Variants in GALR2 observed in about 807,000 individuals in gnomAD.
The protein encoded by GALR2 is galanin receptor 2.
A neutral mutation model predicts 7.2 loss-of-function variants in GALR2; 5 were observed. The observed-to-expected ratio is 0.69, with a 90% CI of 0.36 to 1.45. The LOEUF (loss-of-function observed/expected upper bound fraction) is 1.45, where lower values mean the gene tolerates loss of function less well. GALR2 is among the 40% of genes most tolerant of loss of function. The pLI is 0.03. For synonymous variants in GALR2, 300 were observed against 263.9 expected, an observed-to-expected ratio of 1.14 and a Z score of -1.32; for missense variants, 561 against 555.7, an observed-to-expected ratio of 1.01 and a Z score of -0.10.
chr17:76,072,446 TGCCGCCGCC>T (rs536477130), upstream of GALR2: 29 of 1,579,286 alleles, frequency 1.8e-5, no homozygotes, highest in South Asian at 1.1e-4. The surrounding 1 kb of genome is among the most constrained non-coding windows in gnomAD (Gnocchi z 4.5). Context: ...CCGCCGCCAC[TGCCGCCGCC>T]GCCGCCGCCG....
chr17:76,077,457 G>T lies in GALR2; in HGVS notation c.*26G>T. The T allele has an allele frequency of 6.9e-7, 1 of 1,440,388 alleles. No individual in the cohort carries two copies. The allele number at this position is 1,440,388 out of a possible 1,614,324, so 89.2% of individuals were successfully genotyped here. A position where few individuals can be genotyped will look rare whatever the true frequency, so the allele number is the denominator to read the frequency against. ...AAGCACTTAGCGGGCGCGCTGGGAT[G>T]TCACAGAGTTGGAGTCATTGTTGGG... On this transcript the variant is annotated 3_prime_UTR_variant, in exon 2 of 2. Coordinates refer to ENST00000329003, the MANE Select transcript of GALR2 (RefSeq NM_003857.4).
upstream of GALR2, among the ~76,000 whole-genome samples, chr17:76,074,385 G>T (rs894572863): frequency 6.6e-6 from 1 of 152,230 alleles, no homozygotes; most frequent in Admixed American, 6.5e-5. The surrounding 1 kb of genome is among the most constrained non-coding windows in gnomAD (Gnocchi z 6.7). Context: ...GGGCACCCCA[G>T]CCCCTCGACG....
upstream of GALR2, chr17:76,072,617 C>G: frequency 1.4e-6 from 2 of 1,454,002 alleles, no homozygotes; most frequent in Non-Finnish European, 1.8e-6. This position sits in a 1 kb window ranked among gnomAD's most constrained non-coding sequence, Gnocchi z 4.5. Flanking sequence ...GCCCTTGCTG[C>G]AGCAGGGCGC....
rs2066885567 is a variant in GALR2 at position 76,075,743 on chromosome 17, G to A, written c.368+492G>A. Among the ~76,000 whole-genome samples, 1 of 152,320 alleles carries A rather than the reference G, an allele frequency of 6.6e-6. No homozygotes were observed. Among genetic ancestry groups the A allele is most frequent in the African/African-American group, 2.4e-5 (1 of 41,582 alleles). The stretch of plus-strand genomic sequence containing the variant: ...CACGGTTTGGTTGGTTGGTGCAGCT[G>A]GCTCAGGTCCAGGCTGTGGATCTTG... On this transcript the variant is annotated intron_variant, in intron 1 of 1. Transcript: ENST00000329003. The surrounding 1 kb of genome is among the most constrained non-coding windows in gnomAD (Gnocchi z 5.9).
upstream of GALR2, among the ~76,000 whole-genome samples, chr17:76,074,018 C>T (rs1348131599): frequency 4.6e-5 from 7 of 152,106 alleles, no homozygotes; most frequent in Admixed American, 2.6e-4. This position sits in a 1 kb window ranked among gnomAD's most constrained non-coding sequence, Gnocchi z 6.7. Context: ...TGGTGGCAGG[C>T]GCCCGTCATC....
Position 76,076,871 on chromosome 17 carries a change from G to T in GALR2, c.604G>T (p.Val202Phe). ...CTTCAGCTACCTGCTTCCTGTGCTG[G>T]TTCTCGGCCTGACCTACGCGCGCAC... ...FVFSYLLPVL[V>F]LGLTYARTLR... The change falls in exon 2 of 2, where the codon GTT (valine) becomes TTT (phenylalanine). Residue 202 changes from valine to phenylalanine, a missense_variant. By Grantham distance (50) the Val-to-Phe change is conservative. Coordinates refer to ENST00000329003, the MANE Select transcript of GALR2 (RefSeq NM_003857.4). This position sits in a 1 kb window ranked among gnomAD's most constrained non-coding sequence, Gnocchi z 6.5. 2 of 1,604,052 alleles carry T rather than the reference G, an allele frequency of 1.2e-6. No homozygotes were observed.
chr17:76,072,169 A>C, upstream of GALR2: 2 of 1,438,200 alleles, frequency 1.4e-6, no homozygotes, highest in Non-Finnish European at 9.4e-7. This position sits in a 1 kb window ranked among gnomAD's most constrained non-coding sequence, Gnocchi z 4.5. Flanking sequence ...AATTCTGAGC[A>C]CCAAAAGGTA....
chr17:76,074,317 C>A (rs1404593009), upstream of GALR2, among the ~76,000 whole-genome samples: 4 of 152,214 alleles, frequency 2.6e-5, no homozygotes, highest in African/African-American at 9.6e-5. The surrounding 1 kb of genome is among the most constrained non-coding windows in gnomAD (Gnocchi z 6.7). Flanking sequence ...CTCCGGGGCC[C>A]CTCATCCGCC....
rs2144548229 is a variant in GALR2 at position 76,076,578 on chromosome 17, G to T, written c.369-58G>T. 8.3e-7 allele frequency: 1 copy of T among 1,199,774 alleles called. No individual in the cohort carries two copies. The highest frequency in any genetic ancestry group is 2.4e-5 in the East Asian group (1 of 42,014). 74.3% of individuals were successfully genotyped at this position (1,199,774 alleles called of 1,614,324 possible). ...TTGGGACCGAGGTGCAGGGGTCGCGGCCCTCCAGCATGAATGTGCCCGCTC... is the reference window on the plus strand; with the variant it reads ...TTGGGACCGAGGTGCAGGGGTCGCGTCCCTCCAGCATGAATGTGCCCGCTC... On this transcript the variant is annotated intron_variant, in intron 1 of 1. Coordinates refer to ENST00000329003, the MANE Select transcript of GALR2 (RefSeq NM_003857.4). This position sits in a 1 kb window ranked among gnomAD's most constrained non-coding sequence, Gnocchi z 6.5.
At chr17:76,074,199 C>A (rs1342015932), upstream of GALR2, among the ~76,000 whole-genome samples, 1 of 152,114 alleles carries the variant, frequency 6.6e-6, no homozygotes, top group East Asian at 1.9e-4. This position sits in a 1 kb window ranked among gnomAD's most constrained non-coding sequence, Gnocchi z 6.7. Flanking sequence ...GCCTGTAGTC[C>A]CAGCCCCTCA....
rs764279005 is a variant in GALR2, at chr17:76,076,856, C to G, written c.589C>G (p.Leu197Val). 3.7e-6 allele frequency: 6 copies of G among 1,604,730 alleles called. No individual in the cohort carries two copies. The Admixed American group carries it at 8.3e-5, about 22-fold the overall frequency. The part of the protein sequence containing the change: ...MDICTFVFSY[L>V]LPVLVLGLTY... ...CATCTGCACCTTCGTCTTCAGCTAC[C>G]TGCTTCCTGTGCTGGTTCTCGGCCT... Residue 197 changes from leucine to valine, a missense_variant, in exon 2 of 2, where the codon CTG (leucine) becomes GTG (valine). Physicochemically the swap from Leu to Val is conservative, Grantham distance 32. Transcript: ENST00000329003. The surrounding 1 kb of genome is among the most constrained non-coding windows in gnomAD (Gnocchi z 6.5).
At position 76,076,739 on chromosome 17, in the gene GALR2, G is replaced by C. The variant is rs768490022; in HGVS notation, c.472G>C (p.Gly158Arg). ...LIWGLSLLFS[G>R]PYLSYYRQSQ... ...CTGGGGGCTGTCGCTGCTCTTCTCC[G>C]GGCCCTACCTGAGCTACTACCGCCA... The change falls in exon 2 of 2, where the codon GGG becomes CGG. Residue 158 changes from glycine to arginine, a missense_variant. Transcript: ENST00000329003. The surrounding 1 kb of genome is among the most constrained non-coding windows in gnomAD (Gnocchi z 6.5). The C allele has an allele frequency of 6.2e-7, 1 of 1,605,260 alleles. No homozygotes were observed. Among genetic ancestry groups the C allele is most frequent in the Non-Finnish European group, 8.5e-7 (1 of 1,179,794 alleles).
rs1598276382 is a variant in GALR2 at position 76,077,248 on chromosome 17, G to A, written c.981G>A (p.Arg327=). 2.5e-6 allele frequency: 4 copies of A among 1,604,912 alleles called. No homozygotes were observed. Among genetic ancestry groups the A allele is most frequent in the Non-Finnish European group, 3.4e-6 (4 of 1,177,178 alleles). Residue 327 remains arginine, a synonymous_variant, in exon 2 of 2, where the codon CGG becomes CGA. Coordinates refer to ENST00000329003, the MANE Select transcript of GALR2 (RefSeq NM_003857.4). ...CGGGCCGTGTGTGCGCTGCCGCGCG[G>A]GGCACCCACAGTGGCAGCGTGTTGG... is the stretch of plus-strand genomic sequence containing the variant. ...RASGRVCAAA[R]GTHSGSVLER... is the part of the protein sequence containing the mutation.
upstream of GALR2, chr17:76,072,616 G>A (rs1395897518): frequency 7.6e-6 from 11 of 1,452,858 alleles, no homozygotes; most frequent in African/African-American, 1.5e-5. This position sits in a 1 kb window ranked among gnomAD's most constrained non-coding sequence, Gnocchi z 4.5. Flanking sequence ...GGCCCTTGCT[G>A]CAGCAGGGCG....
rs1438617401 is a variant in GALR2 at position 76,076,901 on chromosome 17, C to A, written c.634C>A (p.Arg212Ser). ...CGGCCTGACCTACGCGCGCACCTTG[C>A]GCTACCTCTGGCGCGCCGTCGACCC... Reference protein sequence around the residue: ...VLGLTYARTLRYLWRAVDPVA... With the variant: ...VLGLTYARTLSYLWRAVDPVA... Residue 212 changes from arginine to serine, a missense_variant, in exon 2 of 2, where the codon CGC becomes AGC. Transcript: ENST00000329003. The surrounding 1 kb of genome is among the most constrained non-coding windows in gnomAD (Gnocchi z 6.5). 2 of 1,602,598 alleles carry A rather than the reference C, an allele frequency of 1.2e-6. No homozygotes were observed. The highest frequency in any genetic ancestry group is 1.1e-5 in the South Asian group (1 of 90,994).
chr17:76,075,704 G>T lies in GALR2; in HGVS notation c.368+453G>T, dbSNP rs1396816397. On this transcript the variant is annotated intron_variant, in intron 1 of 1. Transcript: ENST00000329003. This position sits in a 1 kb window ranked among gnomAD's most constrained non-coding sequence, Gnocchi z 5.9. ...AGCCAACTTCAGGCGCCTCCACTGC[G>T]CTCGCCTCCAAGCCACGGTTTGGTT... Among the ~76,000 whole-genome samples, 1 of 152,114 alleles carries T rather than the reference G, an allele frequency of 6.6e-6. No homozygotes were observed. The highest frequency in any genetic ancestry group is 1.5e-5 in the Non-Finnish European group (1 of 68,020).
chr17:76,074,859 GGGC>G lies in GALR2; in HGVS notation c.-24_-22del. The G allele has an allele frequency of 6.8e-7, 1 of 1,472,900 alleles. No individual in the cohort carries two copies. The highest frequency in any genetic ancestry group is 2.3e-5 in the Admixed American group (1 of 43,590). 91.2% of individuals were successfully genotyped at this position (1,472,900 alleles called of 1,614,324 possible). A position where few individuals can be genotyped will look rare whatever the true frequency, so the allele number is the denominator to read the frequency against. ...GAGACCCAGACGGCTGCAGGAGCCC[GGGC>G]AGCCTCGGGGTCAGCGGCACCATGA... On this transcript the variant is annotated 5_prime_UTR_variant, in exon 1 of 2. Coordinates refer to ENST00000329003, the MANE Select transcript of GALR2 (RefSeq NM_003857.4). This position sits in a 1 kb window ranked among gnomAD's most constrained non-coding sequence, Gnocchi z 6.7.
At position 76,075,258 on chromosome 17, in the gene GALR2, C is replaced by G; in HGVS notation, c.368+7C>G. 1 of 1,594,800 alleles carries G rather than the reference C, an allele frequency of 6.3e-7. No individual in the cohort carries two copies. Among genetic ancestry groups the G allele is most frequent in the Non-Finnish European group, 8.5e-7 (1 of 1,175,322 alleles). On this transcript the variant is annotated splice_region_variant and intron_variant, in intron 1 of 1. Coordinates refer to ENST00000329003, the MANE Select transcript of GALR2 (RefSeq NM_003857.4). This position sits in a 1 kb window ranked among gnomAD's most constrained non-coding sequence, Gnocchi z 5.9. ...CCGCCGTCTCCCTGGACAGGTGAGC[C>G]AGCGCCTTGGCCTCCCTGGGAGATG...
chr17:76,072,609 C>T (rs911336401), upstream of GALR2: 4 of 1,463,314 alleles, frequency 2.7e-6, no homozygotes, highest in African/African-American at 4.4e-5. This position sits in a 1 kb window ranked among gnomAD's most constrained non-coding sequence, Gnocchi z 4.5. Flanking sequence ...CGCCGTCGGC[C>T]CTTGCTGCAG....
Sources: gnomAD v4.1 joint callset for allele counts (sites outside exome capture counted in the v4.1 genomes callset) on GRCh38, gnomAD v4.1.1 for gene constraint, Gnocchi (gnomAD v3.1) non-coding constraint, MANE v1.5 for transcripts, NCBI Gene and HGNC (gene_info 2026-07-23, HGNC 2026-07-21) for gene names.